METAP2: variants seen among roughly 807,000 people sequenced by gnomAD.
The protein encoded by METAP2 is methionyl aminopeptidase 2, also known as methionine aminopeptidase 2.
In METAP2, 25 loss-of-function variants were observed where a neutral mutation model predicts 59.4. The observed-to-expected ratio is 0.42, with a 90% CI of 0.31 to 0.59. The LOEUF (loss-of-function observed/expected upper bound fraction) is 0.59, where lower values mean the gene tolerates loss of function less well. METAP2 is among the 20% of genes least tolerant of loss of function. The pLI is 0.16. For synonymous variants in METAP2, 214 were observed against 194.1 expected (o/e 1.10, Z -0.85); for missense variants, 366 against 581.2 (o/e 0.63, Z 3.81).
intron 7 of METAP2, 97 bp downstream of exon 7, chr12:95,496,195 T>A: frequency 1.4e-6 from 1 of 695,714 alleles, no homozygotes; most frequent in Non-Finnish European, 2.4e-6. Flanking sequence ...AAGGCCTGTT[T>A]AAGGGCTTTG....
chr12:95,479,487 A>G (rs1479419254), intron 2 of METAP2, among the ~76,000 whole-genome samples: 1 of 152,210 alleles, frequency 6.6e-6, no homozygotes, highest in Non-Finnish European at 1.5e-5. Flanking sequence ...GCTGAATTGG[A>G]AACTGTGGTA....
At chr12:95,492,495 C>G (rs952357153) in intron 4 of METAP2, among the ~76,000 whole-genome samples, 45 of 151,738 alleles carry the variant, frequency 3.0e-4, no homozygotes, top group African/African-American at 1.1e-3. Context: ...TATCTGAACT[C>G]GAGACTTTGA....
chr12:95,507,364 C>T (rs978310883), intron 8 of METAP2, among the ~76,000 whole-genome samples: 9 of 152,246 alleles, frequency 5.9e-5, no homozygotes, highest in African/African-American at 1.2e-4. Flanking sequence ...TCTTCCAAAT[C>T]GCTCTTCGCA....
intron 3 of METAP2, among the ~76,000 whole-genome samples, chr12:95,484,064 G>A (rs891560529): frequency 2.6e-5 from 4 of 152,062 alleles, no homozygotes; most frequent in African/African-American, 4.8e-5. Context: ...GTAGTGTTGA[G>A]GAAGAAAGGT....
intron 8 of METAP2, among the ~76,000 whole-genome samples, chr12:95,511,030 T>C (rs897857675): frequency 2.6e-5 from 4 of 152,180 alleles, no homozygotes; most frequent in Admixed American, 6.5e-5. Flanking sequence ...TTGAATGTTA[T>C]TCCCTCGTGA....
chr12:95,474,206 C>T lies in METAP2; in HGVS notation c.27C>T (p.Ala9=), dbSNP rs1387015070. Residue 9 remains alanine (A), a synonymous_variant, in exon 1 of 11, where the codon GCC becomes GCT. Coordinates refer to ENST00000323666, the MANE Select transcript of METAP2 (RefSeq NM_006838.4). ...TGGCGGGTGTGGAGGAGGTAGCGGC[C>T]TCCGGGAGCCACCTGAATGGCGACC... MAGVEEVA[A]SGSHLNGDLD... is the part of the protein sequence containing the mutation. 3.1e-6 allele frequency: 5 copies of T among 1,614,052 alleles called. No homozygotes were observed. The East Asian group carries it at 8.9e-5, about 29-fold the overall frequency.
chr12:95,491,296 A>G (rs1323003381), intron 4 of METAP2, among the ~76,000 whole-genome samples: 1 of 152,018 alleles, frequency 6.6e-6, no homozygotes, highest in African/African-American at 2.4e-5. Context: ...TTTATGGGTT[A>G]TTTCATTGGG....
chr12:95,486,798 A>G (rs558076993), intron 4 of METAP2, among the ~76,000 whole-genome samples: 4 of 152,276 alleles, frequency 2.6e-5, no homozygotes, highest in East Asian at 1.9e-4. Flanking sequence ...CGCCCAGCCA[A>G]TATACCATTA....
intron 8 of METAP2, among the ~76,000 whole-genome samples, chr12:95,511,389 G>GTTTTTTTTTTT (rs11301070): frequency 9.8e-5 from 6 of 61,118 alleles, no homozygotes; most frequent in African/African-American, 1.3e-4. Context: ...TTCTAGCACC[G>GTTTTTTTTTTT]TTTTTTTTTT....
chr12:95,499,720 A>G lies in METAP2; in HGVS notation c.867+3622A>G, dbSNP rs118045524. On this transcript the variant is annotated intron_variant, in intron 7 of 10. Transcript: ENST00000323666. Reference sequence around the variant, plus strand: ...TGTGTTAGTTCATTTTCACACTGCTATAAAGAAATACCTGAGACTGGGTAA... The same window carrying G: ...TGTGTTAGTTCATTTTCACACTGCTGTAAAGAAATACCTGAGACTGGGTAA... Among the ~76,000 whole-genome samples the G allele has an allele frequency of 3.8e-3, 576 of 152,260 alleles. 7 individuals carry two copies. In the South Asian group the frequency reaches 0.044, roughly 12 times the overall value.
intron 8 of METAP2, among the ~76,000 whole-genome samples, chr12:95,506,825 T>TATTTATTTATTTATTG (rs1555192949): frequency 1.3e-5 from 2 of 151,960 alleles, no homozygotes; most frequent in Non-Finnish European, 2.9e-5. Context: ...TTTATTTATT[T>TATTTATTTATTTATTG]ATTGAGACAG....
At chr12:95,474,929 C>T (rs2076106749) in intron 1 of METAP2, among the ~76,000 whole-genome samples, 1 of 152,062 alleles carries the variant, frequency 6.6e-6, no homozygotes, top group South Asian at 2.1e-4. Context: ...TTTTCACCTG[C>T]CTAATCCCAT....
intron 8 of METAP2, among the ~76,000 whole-genome samples, chr12:95,505,144 T>C (rs2076348283): frequency 6.6e-6 from 1 of 152,216 alleles, no homozygotes; most frequent in Non-Finnish European, 1.5e-5. Flanking sequence ...GACTCTCATG[T>C]TGTTTTCTTG....
intron 8 of METAP2, among the ~76,000 whole-genome samples, chr12:95,509,703 ATTTG>A (rs1020379428): frequency 2.0e-5 from 3 of 152,004 alleles, no homozygotes; most frequent in Admixed American, 6.6e-5. Flanking sequence ...GAGTGAATTG[ATTTG>A]TTTTTCTTGC....
intron 8 of METAP2, among the ~76,000 whole-genome samples, chr12:95,506,692 T>C (rs1594436103): frequency 1.3e-5 from 2 of 152,204 alleles, no homozygotes; most frequent in African/African-American, 4.8e-5. Flanking sequence ...TGTTGGCAGC[T>C]TTAATTCTTC....
At chr12:95,496,141 C>T (rs200411844) in intron 7 of METAP2, 43 bp downstream of exon 7, 36 of 1,329,042 alleles carry the variant, frequency 2.7e-5, no homozygotes, top group Non-Finnish European at 3.7e-5. Context: ...ATATTTTGAG[C>T]ACTTTAAGGT....
intron 2 of METAP2, 138 bp downstream of exon 2, chr12:95,476,316 G>A: frequency 4.2e-6 from 2 of 471,012 alleles, no homozygotes; most frequent in Non-Finnish European, 7.5e-6. Context: ...AGACCAGCCT[G>A]GCCAACATGT....
chr12:95,480,032 G>A (rs970674358), intron 2 of METAP2, among the ~76,000 whole-genome samples: 9 of 152,142 alleles, frequency 5.9e-5, no homozygotes, highest in African/African-American at 1.9e-4. Context: ...CCAGAAAAAA[G>A]TTGTGTCTCT....
At position 95,496,110 on chromosome 12, in the gene METAP2, G is replaced by A; in HGVS notation, c.867+12G>A. ...ACACTGGAATAAAGGTATGTGAACT[G>A]TAAGCACCATTTCATTCCCAATATT... On this transcript the variant is annotated intron_variant, in intron 7 of 10. Coordinates refer to ENST00000323666, the MANE Select transcript of METAP2 (RefSeq NM_006838.4). The A allele has an allele frequency of 6.7e-7, 1 of 1,485,984 alleles. No homozygotes were observed. Among genetic ancestry groups the A allele is most frequent in the Non-Finnish European group, 9.3e-7 (1 of 1,077,434 alleles). 92.0% of individuals were successfully genotyped at this position (1,485,984 alleles called of 1,614,324 possible).
Sources: gnomAD v4.1 joint callset for allele counts (sites outside exome capture counted in the v4.1 genomes callset) on GRCh38, gnomAD v4.1.1 for gene constraint, MANE v1.5 for transcripts, NCBI Gene and HGNC (gene_info 2026-07-23, HGNC 2026-07-21) for gene names.